Variants in LETM1 observed in about 807,000 individuals in gnomAD.
The protein encoded by LETM1 is mitochondrial proton/calcium exchanger protein.
In LETM1, 50 loss-of-function variants were observed where a neutral mutation model predicts 74.5. The ratio of observed to expected loss-of-function variants is 0.67; its 90% CI spans 0.53 to 0.85. The LOEUF (loss-of-function observed/expected upper bound fraction) is 0.85. LETM1 is among the 40% of genes least tolerant of loss of function. The pLI is 0.00. For synonymous variants in LETM1, 446 were observed against 407.1 expected, an observed-to-expected ratio of 1.10 and a Z score of -1.15; for missense variants, 824 against 967.8, an observed-to-expected ratio of 0.85 and a Z score of 1.97.
intron 6 of LETM1, among the ~76,000 whole-genome samples, chr4:1,830,183 TTC>T (rs1307132827): frequency 6.6e-6 from 1 of 152,250 alleles, no homozygotes; most frequent in African/African-American, 2.4e-5. Context: ...TTCTACTATT[TTC>T]TCTCTGTTGT....
intron 6 of LETM1, among the ~76,000 whole-genome samples, chr4:1,829,869 G>GACAC (rs150026345): frequency 8.0e-5 from 12 of 150,656 alleles, no homozygotes; most frequent in South Asian, 4.2e-4. Flanking sequence ...ATGAAACAAC[G>GACAC]ACACACACAC....
chr4:1,840,132 C>A (rs957610652), intron 3 of LETM1, among the ~76,000 whole-genome samples: 1 of 152,252 alleles, frequency 6.6e-6, no homozygotes, highest in Non-Finnish European at 1.5e-5. Context: ...AATCCCAGCA[C>A]TTTGCGAGGC....
At chr4:1,818,209 G>A (rs1711638364) in intron 11 of LETM1, among the ~76,000 whole-genome samples, 1 of 152,236 alleles carries the variant, frequency 6.6e-6, no homozygotes, top group South Asian at 2.1e-4. Flanking sequence ...ACATCCAGTG[G>A]AGAACCCACA....
intron 6 of LETM1, among the ~76,000 whole-genome samples, chr4:1,829,105 T>C (rs1292371685): frequency 1.0e-5 from 1 of 97,130 alleles, no homozygotes; most frequent in Non-Finnish European, 2.0e-5. Flanking sequence ...CACTTCCCAG[T>C]AGGGGCGGCC....
At chr4:1,835,273 C>T (rs374810450) in intron 4 of LETM1, among the ~76,000 whole-genome samples, 1 of 151,898 alleles carries the variant, frequency 6.6e-6, no homozygotes, top group African/African-American at 2.4e-5. Context: ...GGTGAAACCC[C>T]GTCTCTACTA....
chr4:1,832,342 C>T (rs1471591627), intron 6 of LETM1, among the ~76,000 whole-genome samples: 4 of 151,838 alleles, frequency 2.6e-5, no homozygotes, highest in South Asian at 2.1e-4. Flanking sequence ...AGGAGGGCAG[C>T]GCCCTGAAAG....
In LETM1 at chr4:1,843,081, G is replaced by A. The variant is rs1050881969; in HGVS notation, c.144-1284C>T. The A allele has an allele frequency of 2.6e-5, 7 of 270,146 alleles. 1 individual carries two copies. The highest frequency in any genetic ancestry group is 6.9e-5 in the African/African-American group (3 of 43,460). 16.7% of individuals were successfully genotyped at this position (270,146 alleles called of 1,614,324 possible). A position where few individuals can be genotyped will look rare whatever the true frequency, so the allele number is the denominator to read the frequency against. On this transcript the variant is annotated intron_variant, in intron 2 of 13. Transcript: ENST00000302787. ...ATCAGCTCTCTGTGCATGGCCTGAC[G>A]CCAGCAGCAAGGCCCGAGCTCCGGA...
At chr4:1,822,709 G>A (rs1711827053) in intron 9 of LETM1, 1 of 368,422 alleles carries the variant, frequency 2.7e-6, no homozygotes, top group South Asian at 1.5e-4. Flanking sequence ...AAGTCCCTGA[G>A]GAGAGGGTGG....
chr4:1,815,275 CCT>C (rs933609284), intron 13 of LETM1, among the ~76,000 whole-genome samples: 4 of 152,240 alleles, frequency 2.6e-5, no homozygotes, highest in Non-Finnish European at 5.9e-5. Context: ...TGTGTAGTTG[CCT>C]CTCAGCTTTG....
At position 1,834,777 on chromosome 4, in the gene LETM1, G is replaced by T. The variant is rs552033783; in HGVS notation, c.876+68C>A. ...GGAGCTCCACTCTGCTGAGCACAGC[G>T]AAAGGGAAACAGAAAATCAGGGAAG... On this transcript the variant is annotated intron_variant, in intron 5 of 13. Coordinates refer to ENST00000302787, the MANE Select transcript of LETM1 (RefSeq NM_012318.3). The surrounding 1 kb of genome is among the most constrained non-coding windows in gnomAD (Gnocchi z 5.0). 28 of 1,597,938 alleles carry T rather than the reference G, an allele frequency of 1.8e-5. No individual in the cohort carries two copies. The South Asian group carries it at 2.9e-4, about 17-fold the overall frequency.
Position 1,844,886 on chromosome 4 carries a change from GAAAAA to G in LETM1, c.144-3094_144-3090del, listed in dbSNP as rs971183682. 9.0e-4 allele frequency among the ~76,000 whole-genome samples: 46 copies of G among 51,042 alleles called. 1 individual carries two copies. The highest frequency in any genetic ancestry group is 1.8e-3 in the Non-Finnish European group (42 of 23,520). The allele number at this position is 51,042 out of a possible 152,430, so 33.5% of individuals were successfully genotyped here. A position where few individuals can be genotyped will look rare whatever the true frequency, so the allele number is the denominator to read the frequency against. ...AACATAGTGAGACCCTGTCTCTACA[GAAAAA>G]AAAAAAAAAAAAAAAAAAGGCCAGG... On this transcript the variant is annotated intron_variant, in intron 2 of 13. Transcript: ENST00000302787.
In LETM1 at chr4:1,814,645, C is replaced by T. The variant is rs150521377; in HGVS notation, c.2071-72G>A. ...CACAGTGAGGCAGAGGCGGGGCCAG[C>T]GCCGTCAGTCGCCCCAGCTGGGGTG... On this transcript the variant is annotated intron_variant, in intron 13 of 13. Coordinates refer to ENST00000302787, the MANE Select transcript of LETM1 (RefSeq NM_012318.3). 9,913 of 1,321,628 alleles carry T rather than the reference C, an allele frequency of 7.5e-3. 119 individuals are homozygous for T. The highest frequency in any genetic ancestry group is 0.041 in the African/African-American group (2,813 of 69,162). 81.9% of individuals were successfully genotyped at this position (1,321,628 alleles called of 1,614,324 possible).
At chr4:1,824,629 G>C (rs1711917414) in intron 7 of LETM1, among the ~76,000 whole-genome samples, 1 of 152,194 alleles carries the variant, frequency 6.6e-6, no homozygotes, top group Non-Finnish European at 1.5e-5. Context: ...GAGGTGGGTA[G>C]AGAAGGAAAA....
chr4:1,834,597 G>GTGA lies in LETM1; in HGVS notation c.876+245_876+247dup, dbSNP rs1263393827. The GTGA allele has an allele frequency of 2.3e-6, 3 of 1,324,518 alleles. No homozygotes were observed. The highest frequency in any genetic ancestry group is 2.9e-6 in the Non-Finnish European group (3 of 1,034,310). 82.0% of individuals were successfully genotyped at this position (1,324,518 alleles called of 1,614,324 possible). ...TCTACTGCTCCTGGACAGCTGCAGG[G>GTGA]TGATGAGACACAGACGCCCATAATT... On this transcript the variant is annotated intron_variant, in intron 5 of 13. Coordinates refer to ENST00000302787, the MANE Select transcript of LETM1 (RefSeq NM_012318.3). The surrounding 1 kb of genome is among the most constrained non-coding windows in gnomAD (Gnocchi z 5.0).
chr4:1,822,489 C>T, intron 9 of LETM1, 177 bp from the exon 10 acceptor site: 3 of 590,270 alleles, frequency 5.1e-6, no homozygotes, highest in South Asian at 5.8e-5. Context: ...TGCCAGGTCA[C>T]CTGGGGCCCT....
intron 12 of LETM1, 47 bp from the exon 13 acceptor site, chr4:1,815,849 C>T (rs765423970): frequency 6.2e-7 from 1 of 1,602,938 alleles, no homozygotes; most frequent in Non-Finnish European, 8.5e-7. Flanking sequence ...CGTCCTGCCA[C>T]ACAGGGCCTC....
chr4:1,834,878 G>A lies in LETM1; in HGVS notation c.843C>T (p.Ser281=), dbSNP rs146247493. The part of the protein sequence containing the change: ...MALKNKAAKG[S]ATKDFSVFFQ... Reference sequence around the variant, plus strand: ...AAAACACAGAGAAGTCTTTGGTGGCGCTGCCCTTGGCTGCCTTGTTCTTCA... The same window carrying A: ...AAAACACAGAGAAGTCTTTGGTGGCACTGCCCTTGGCTGCCTTGTTCTTCA... Residue 281 remains serine (S), a synonymous_variant, in exon 5 of 14, where the codon AGC becomes AGT. Coordinates refer to ENST00000302787, the MANE Select transcript of LETM1 (RefSeq NM_012318.3). The surrounding 1 kb of genome is among the most constrained non-coding windows in gnomAD (Gnocchi z 5.0). The A allele has an allele frequency of 2.6e-4, 415 of 1,614,170 alleles. No homozygotes were observed. Among genetic ancestry groups the A allele is most frequent in the Admixed American group, 3.8e-4 (23 of 60,024 alleles).
At chr4:1,841,052 A>G (rs570363876) in intron 3 of LETM1, among the ~76,000 whole-genome samples, 2 of 152,380 alleles carry the variant, frequency 1.3e-5, no homozygotes, top group South Asian at 4.1e-4. Context: ...CTATAGAGTG[A>G]AAAGAATTTG....
At chr4:1,842,821 G>A (rs1366059090) in intron 2 of LETM1, among the ~76,000 whole-genome samples, 1 of 152,210 alleles carries the variant, frequency 6.6e-6, no homozygotes, top group African/African-American at 2.4e-5. Context: ...CCTATGGTTT[G>A]TGTGCAACAC....
Sources: allele counts gnomAD v4.1 joint callset (sites outside exome capture counted in the v4.1 genomes callset), GRCh38; gene constraint gnomAD v4.1.1; non-coding constraint Gnocchi (gnomAD v3.1); transcripts MANE v1.5; gene names NCBI Gene and HGNC (gene_info 2026-07-23, HGNC 2026-07-21).